The following CNGA1 variants were observed in gnomAD, a reference collection of about 807,000 sequenced individuals.
CNGA1 encodes the protein cyclic nucleotide gated channel subunit alpha 1, also known as cyclic nucleotide-gated channel alpha-1.
Under a neutral mutation model 69.7 loss-of-function variants are expected in CNGA1, and 53 were observed. The ratio of observed to expected loss-of-function variants is 0.76; its 90% CI spans 0.61 to 0.96. The LOEUF (loss-of-function observed/expected upper bound fraction) is 0.96. CNGA1 is among the 40% of genes least tolerant of loss of function. The probability of loss-of-function intolerance (pLI) is 0.00; values close to 1 mark genes in which losing one functional copy is unlikely to be tolerated. For missense variants in CNGA1, 739 were observed against 811.2 expected (o/e 0.91, Z 1.08); for synonymous variants, 249 against 283.5 (o/e 0.88, Z 1.22).
intron 6 of CNGA1, among the ~76,000 whole-genome samples, chr4:47,944,256 T>C (rs1739264712): frequency 6.6e-6 from 1 of 152,152 alleles, no homozygotes; most frequent in East Asian, 1.9e-4. Flanking sequence ...CTAAGTGCAA[T>C]GGACTCAATC....
intron 2 of CNGA1, among the ~76,000 whole-genome samples, chr4:48,007,455 G>A (rs137910782): frequency 6.6e-6 from 1 of 152,206 alleles, no homozygotes; most frequent in East Asian, 1.9e-4. Flanking sequence ...TTTAACTTCT[G>A]ACCTTGTGTC....
chr4:48,015,905 C>T (rs1008777385), intron 1 of CNGA1, among the ~76,000 whole-genome samples: 4 of 152,170 alleles, frequency 2.6e-5, no homozygotes, highest in Non-Finnish European at 4.4e-5. Flanking sequence ...CCTGCCCACT[C>T]CTTGTTTTGT....
intron 2 of CNGA1, among the ~76,000 whole-genome samples, chr4:48,009,709 C>T (rs763103510): frequency 6.6e-6 from 1 of 151,980 alleles, no homozygotes; most frequent in Non-Finnish European, 1.5e-5. Flanking sequence ...GAGGCTGAGG[C>T]AGGAGAATTG....
intron 3 of CNGA1, among the ~76,000 whole-genome samples, chr4:47,977,724 C>A (rs967172462): frequency 6.6e-6 from 1 of 152,030 alleles, no homozygotes; most frequent in East Asian, 1.9e-4. Flanking sequence ...TAAAAAGCAA[C>A]AAAATTTTTT....
chr4:48,001,422 T>C lies in CNGA1; in HGVS notation c.-123+9372A>G, dbSNP rs566151145. On this transcript the variant is annotated intron_variant, in intron 2 of 10. Transcript: ENST00000514170. ...AGGTGGAGGTTGCAGTGAGCCAAAA[T>C]TGCACCACTGCACTCCAGCCTGGGT... Among the ~76,000 whole-genome samples the C allele has an allele frequency of 3.9e-5, 6 of 152,168 alleles. No individual in the cohort carries two copies. The South Asian group carries it at 8.3e-4, about 21-fold the overall frequency.
chr4:47,958,887 T>A (rs1740260126), intron 3 of CNGA1: 1 of 152,224 alleles, frequency 6.6e-6, no homozygotes, highest in African/African-American at 2.4e-5. Flanking sequence ...ACCTTAAACA[T>A]AATTCATTAT....
At chr4:48,000,924 TG>T (rs1285472670) in intron 2 of CNGA1, among the ~76,000 whole-genome samples, 2 of 152,104 alleles carry the variant, frequency 1.3e-5, no homozygotes, top group East Asian at 3.8e-4. Flanking sequence ...AAACAAAAAC[TG>T]GGAGAACTTA....
intron 3 of CNGA1, among the ~76,000 whole-genome samples, chr4:47,967,136 C>A (rs190513590): frequency 3.3e-5 from 5 of 152,110 alleles, no homozygotes; most frequent in African/African-American, 1.2e-4. Context: ...AGCCCTGTGT[C>A]TACTAAAAAT....
At chr4:47,944,343 G>A (rs1414706989) in intron 6 of CNGA1, among the ~76,000 whole-genome samples, 2 of 152,152 alleles carry the variant, frequency 1.3e-5, no homozygotes, top group Non-Finnish European at 2.9e-5. Context: ...AGTGAGGTGA[G>A]GCTTAACATC....
chr4:48,011,368 G>C (rs1469002695), intron 1 of CNGA1, among the ~76,000 whole-genome samples: 2 of 150,032 alleles, frequency 1.3e-5, no homozygotes, highest in Non-Finnish European at 3.0e-5. Flanking sequence ...AAACATGAAG[G>C]TCTTTTAAAT....
chr4:47,994,014 G>A (rs1445120497), intron 2 of CNGA1, among the ~76,000 whole-genome samples: 16 of 151,824 alleles, frequency 1.1e-4, no homozygotes, highest in Admixed American at 3.9e-4. Flanking sequence ...GTTGATTTCC[G>A]GTTTTGTTTC....
At chr4:47,965,383 T>G (rs1212091543) in intron 3 of CNGA1, among the ~76,000 whole-genome samples, 1 of 152,146 alleles carries the variant, frequency 6.6e-6, no homozygotes, top group Non-Finnish European at 1.5e-5. Context: ...ATATAAATAA[T>G]TTTAACACTT....
intron 2 of CNGA1, among the ~76,000 whole-genome samples, chr4:48,007,792 A>G (rs1240873998): frequency 6.6e-6 from 1 of 152,204 alleles, no homozygotes; most frequent in African/African-American, 2.4e-5. Flanking sequence ...CAAAAGAAAA[A>G]CCCTTCTGCA....
chr4:47,956,264 A>T (rs1465625668), intron 3 of CNGA1, among the ~76,000 whole-genome samples: 1 of 152,204 alleles, frequency 6.6e-6, no homozygotes, highest in South Asian at 2.1e-4. Flanking sequence ...TGAGGCGGCT[A>T]TCCCCGTCTG....
At chr4:47,978,227 C>T (rs903118967) in intron 3 of CNGA1, among the ~76,000 whole-genome samples, 1 of 152,020 alleles carries the variant, frequency 6.6e-6, no homozygotes, top group Admixed American at 6.6e-5. Context: ...TATCAAGTCC[C>T]CTAAAAATAA....
chr4:47,964,073 TA>T (rs1373095799), intron 3 of CNGA1, among the ~76,000 whole-genome samples: 1 of 152,192 alleles, frequency 6.6e-6, no homozygotes, highest in Non-Finnish European at 1.5e-5. Context: ...AAGTAATTTT[TA>T]CTGAGAAACA....
intron 3 of CNGA1, 149 bp from the exon 4 acceptor site, chr4:47,952,852 A>G (rs1340779703): frequency 1.3e-5 from 6 of 461,578 alleles, no homozygotes; most frequent in African/African-American, 1.2e-4. Context: ...AAGAGGTTTA[A>G]TGGACTTGTA....
At chr4:47,940,933 T>C (rs949841560) in intron 9 of CNGA1, 64 bp from the exon 10 acceptor site, 2 of 1,068,324 alleles carry the variant, frequency 1.9e-6, no homozygotes, top group African/African-American at 1.6e-5. Context: ...GTAAAAGTTC[T>C]CTTTGTATAT....
At chr4:47,970,255 C>T (rs10938514) in intron 3 of CNGA1, among the ~76,000 whole-genome samples, 80,537 of 151,844 alleles carry the variant, frequency 0.53, 23,093 homozygotes, top group Non-Finnish European at 0.64. Context: ...AGTGACTTAA[C>T]GTTGAAGAAC....
Sources: gnomAD v4.1 joint callset for allele counts (sites outside exome capture counted in the v4.1 genomes callset) on GRCh38, gnomAD v4.1.1 for gene constraint, MANE v1.5 for transcripts, NCBI Gene and HGNC (gene_info 2026-07-23, HGNC 2026-07-21) for gene names.